Variants in RBFOX1 observed in about 807,000 individuals in gnomAD.
The protein encoded by RBFOX1 is RNA binding fox-1 homolog 1.
RBFOX1 carries 8 observed loss-of-function variants against 57.7 expected under a neutral mutation model. The ratio of observed to expected loss-of-function variants is 0.14; its 90% confidence interval spans 0.08 to 0.25. RBFOX1 has a LOEUF of 0.25. Ranked by LOEUF, RBFOX1 falls within the 10% of genes least tolerant of loss-of-function variation. RBFOX1 has a pLI of 1.00. For missense variants in RBFOX1, 611 were observed against 548.5 expected (o/e 1.11, Z -1.14); for synonymous variants, 326 against 222.4 (o/e 1.47, Z -4.15).
intron 4 of RBFOX1, among the ~76,000 whole-genome samples, chr16:7,265,323 C>T (rs1321764505): frequency 6.6e-6 from 1 of 151,864 alleles, no homozygotes; most frequent in African/African-American, 2.4e-5. Flanking sequence ...CTCCCTGTAT[C>T]TTCCCTTGGC....
At chr16:6,231,307 T>C (rs532043027) in intron 1 of RBFOX1, among the ~76,000 whole-genome samples, 3 of 151,718 alleles carry the variant, frequency 2.0e-5, no homozygotes, top group South Asian at 2.1e-4. Flanking sequence ...CTAAGGGATA[T>C]GTTGAAAGAT....
chr16:6,712,956 T>G (rs961794610), intron 3 of RBFOX1, among the ~76,000 whole-genome samples: 5 of 149,374 alleles, frequency 3.3e-5, no homozygotes, highest in African/African-American at 1.2e-4. Context: ...GATCTGATGG[T>G]TTTATAAAGA....
intron 3 of RBFOX1, among the ~76,000 whole-genome samples, chr16:5,662,954 T>C (rs1033964056): frequency 2.0e-5 from 3 of 152,206 alleles, no homozygotes; most frequent in Non-Finnish European, 4.4e-5. Flanking sequence ...GCTCAGTGCA[T>C]GTTATCTATG....
Position 6,495,217 on chromosome 16 carries a change from C to G in RBFOX1, c.-63-159386C>G, listed in dbSNP as rs532276418. On this transcript the variant is annotated intron_variant, in intron 2 of 15. Transcript: ENST00000550418. ...CATTGCAACTTCTGCCTCCCGGATT[C>G]AAGCGATTCTTTTGCCGCAGCCTCC... Among the ~76,000 whole-genome samples, 10 of 152,290 alleles carry G rather than the reference C, an allele frequency of 6.6e-5. 1 individual carries two copies. The South Asian group carries it at 1.7e-3, about 25-fold the overall frequency.
At chr16:7,190,341 A>G (rs1303533439) in intron 4 of RBFOX1, among the ~76,000 whole-genome samples, 3 of 152,228 alleles carry the variant, frequency 2.0e-5, no homozygotes, top group African/African-American at 7.2e-5. Context: ...CCTGGGTGAC[A>G]GAGACTCCGC....
At chr16:7,248,477 T>A (rs967770769) in intron 4 of RBFOX1, among the ~76,000 whole-genome samples, 1 of 152,220 alleles carries the variant, frequency 6.6e-6, no homozygotes, top group Admixed American at 6.5e-5. Context: ...ACAGAGACTT[T>A]CACGCTTACA....
At chr16:5,801,247 A>C (rs2055045269) in intron 3 of RBFOX1, among the ~76,000 whole-genome samples, 1 of 152,172 alleles carries the variant, frequency 6.6e-6, no homozygotes, top group Non-Finnish European at 1.5e-5. Context: ...AAAGTACTGA[A>C]ATAAAATTAG....
intron 3 of RBFOX1, among the ~76,000 whole-genome samples, chr16:6,702,619 G>A (rs555673798): frequency 3.4e-4 from 51 of 152,058 alleles, no homozygotes; most frequent in African/African-American, 1.2e-3. Flanking sequence ...TTCTGCTGAA[G>A]ACTAAATGAG....
intron 4 of RBFOX1, among the ~76,000 whole-genome samples, chr16:7,099,998 C>T (rs373832182): frequency 4.1e-4 from 62 of 151,782 alleles, no homozygotes; most frequent in African/African-American, 1.5e-3. Context: ...TGGTCTGAAC[C>T]AGTCTTTCAG....
At chr16:6,928,845 G>T (rs9928304) in intron 3 of RBFOX1, among the ~76,000 whole-genome samples, 1 of 152,010 alleles carries the variant, frequency 6.6e-6, no homozygotes, top group Non-Finnish European at 1.5e-5. Context: ...AAATCAGCCA[G>T]TTAAAACCAC....
chr16:5,630,734 A>T lies in RBFOX1; in HGVS notation c.318+31773A>T, dbSNP rs147725095. 2.2e-3 allele frequency among the ~76,000 whole-genome samples: 331 copies of T among 152,252 alleles called. 2 individuals carry two copies. Among genetic ancestry groups the T allele is most frequent in the South Asian group, 3.1e-3 (15 of 4,820 alleles). ...GGACGTGGGCTTGTCATTCATACCC[A>T]GGCAGTATCTGGAGGGCCAGGCTCT... On this transcript the variant is annotated intron_variant, in intron 3 of 19. Transcript: ENST00000641259.
chr16:5,750,282 G>T (rs1230526421), intron 3 of RBFOX1, among the ~76,000 whole-genome samples: 1 of 152,200 alleles, frequency 6.6e-6, no homozygotes, highest in Non-Finnish European at 1.5e-5. Context: ...CCCTACTGTG[G>T]GGGTGCCTCC....
chr16:7,072,689 T>C (rs907237957), intron 4 of RBFOX1, among the ~76,000 whole-genome samples: 2 of 152,230 alleles, frequency 1.3e-5, no homozygotes, highest in South Asian at 4.1e-4. Flanking sequence ...GAATAACTTG[T>C]ACCATAAACA....
chr16:7,229,195 C>T (rs78951239), intron 4 of RBFOX1, among the ~76,000 whole-genome samples: 2,846 of 152,260 alleles, frequency 0.019, 85 homozygotes, highest in African/African-American at 0.065. Flanking sequence ...CAGAAAGCGT[C>T]GGCCTTAAAC....
At chr16:5,839,782 G>A (rs1227452567) in intron 3 of RBFOX1, among the ~76,000 whole-genome samples, 2 of 152,170 alleles carry the variant, frequency 1.3e-5, no homozygotes, top group Non-Finnish European at 2.9e-5. Context: ...GGAGGTGGAT[G>A]AATGCGGTTT....
chr16:5,729,746 G>T (rs1374340907), intron 3 of RBFOX1, among the ~76,000 whole-genome samples: 1 of 152,120 alleles, frequency 6.6e-6, no homozygotes, highest in Non-Finnish European at 1.5e-5. Context: ...CTGGGGTTCA[G>T]TCATAGAGAA....
chr16:7,034,485 G>A (rs1206400006), intron 3 of RBFOX1, among the ~76,000 whole-genome samples: 2 of 152,096 alleles, frequency 1.3e-5, no homozygotes, highest in Non-Finnish European at 2.9e-5. Flanking sequence ...GGCTGAAAGT[G>A]TATGACCATC....
intron 1 of RBFOX1, among the ~76,000 whole-genome samples, chr16:6,168,270 C>T (rs996215836): frequency 1.9e-4 from 29 of 152,134 alleles, no homozygotes; most frequent in Admixed American, 1.8e-3. Flanking sequence ...GTGCATGGTG[C>T]GGAGGGTTTC....
chr16:5,909,127 G>A lies in RBFOX1; in HGVS notation c.351+41792G>A, dbSNP rs1323952998. Among the ~76,000 whole-genome samples, 4 of 113,576 alleles carry A rather than the reference G, an allele frequency of 3.5e-5. No homozygotes were observed. The Admixed American group carries it at 3.7e-4, about 10-fold the overall frequency. 74.5% of individuals were successfully genotyped at this position (113,576 alleles called of 152,430 possible). On this transcript the variant is annotated intron_variant, in intron 4 of 19. Transcript: ENST00000641259. ...TTTTTTTTTGAGACAGAGTCTTGCTGTGTCACCTAGGCTGGAGTGCAGTGG... is the reference window on the plus strand; with the variant it reads ...TTTTTTTTTGAGACAGAGTCTTGCTATGTCACCTAGGCTGGAGTGCAGTGG...
Sources: gnomAD v4.1 joint callset for allele counts (sites outside exome capture counted in the v4.1 genomes callset) on GRCh38, gnomAD v4.1.1 for gene constraint, MANE v1.5 for transcripts, NCBI Gene and HGNC (gene_info 2026-07-23, HGNC 2026-07-21) for gene names.